The following TEX9 variants were observed in gnomAD, a reference collection of about 807,000 sequenced individuals.
TEX9 encodes testis-expressed protein 9.
Under a neutral mutation model 59.6 loss-of-function variants are expected in TEX9, and 74 were observed. That is an observed-to-expected ratio of 1.24 (90% CI 1.03 to 1.51). TEX9 has a LOEUF of 1.51. TEX9 is among the 40% of genes most tolerant of loss of function. The pLI, the probability that TEX9 is intolerant of heterozygous loss-of-function variation, is 0.00. For synonymous variants in TEX9, 186 were observed against 152.2 expected, an observed-to-expected ratio of 1.22 and a Z score of -1.64; for missense variants, 522 against 447.8, an observed-to-expected ratio of 1.17 and a Z score of -1.49.
chr15:56,363,274 T>C (rs1180714918), upstream of TEX9, among the ~76,000 whole-genome samples: 3 of 151,966 alleles, frequency 2.0e-5, no homozygotes, highest in Non-Finnish European at 4.4e-5. Flanking sequence ...CATCCTTTTT[T>C]TTTTTTTTGA....
At chr15:56,451,234 C>A in the TEX9 span, among the ~76,000 whole-genome samples, 1 of 152,166 alleles carries the variant, frequency 6.6e-6, no homozygotes, top group African/African-American at 2.4e-5. Flanking sequence ...TAGGTTAGAA[C>A]AGATATACCC....
chr15:56,244,188 CAAGTA>C (rs1444660873), exon 1 of TEX9: 3 of 152,212 alleles, frequency 2.0e-5, no homozygotes, highest in African/African-American at 4.8e-5. Context: ...ATCTTCAAAG[CAAGTA>C]AAGAGAAATC....
At chr15:56,429,097 G>GT in intron 12 of TEX9, 8 of 1,562,394 alleles carry the variant, frequency 5.1e-6, no homozygotes, top group Non-Finnish European at 6.1e-6. Flanking sequence ...CAATTTTGAT[G>GT]ATATCATTTC....
At position 56,266,727 on chromosome 15, in the gene TEX9, T is replaced by C. The variant is rs143854518; in HGVS notation, c.-107+22449T>C. On this transcript the variant is annotated intron_variant, in intron 1 of 5. Coordinates refer to the TEX9 transcript ENST00000560827. ...ATATTTTCTTAATCCTGCCTATCAT[T>C]GATGGACATTTGGGTTGGTTCCAAG... Among the ~76,000 whole-genome samples the C allele has an allele frequency of 3.6e-3, 553 of 152,332 alleles. 6 individuals are homozygous for C. Among genetic ancestry groups the C allele is most frequent in the African/African-American group, 0.012 (498 of 41,580 alleles).
intron 6 of TEX9, among the ~76,000 whole-genome samples, chr15:56,390,795 T>C (rs1479267090): frequency 1.3e-5 from 2 of 152,204 alleles, no homozygotes; most frequent in South Asian, 2.1e-4. Context: ...TGTAGAATTA[T>C]GGCCAGGATG....
chr15:56,434,053 C>T (rs1226565583), intron 12 of TEX9: 1 of 1,395,172 alleles, frequency 7.2e-7, no homozygotes, highest in African/African-American at 1.4e-5. Flanking sequence ...GCATATAAAG[C>T]TTCTCAGTAA....
At chr15:56,419,164 A>T (rs2049849520) in intron 10 of TEX9, among the ~76,000 whole-genome samples, 1 of 151,770 alleles carries the variant, frequency 6.6e-6, no homozygotes, top group Non-Finnish European at 1.5e-5. Context: ...TGATGTTATA[A>T]ATGTTCTTTA....
intron 1 of TEX9, among the ~76,000 whole-genome samples, chr15:56,338,344 C>A (rs1275112416): frequency 5.9e-5 from 9 of 152,138 alleles, no homozygotes; most frequent in African/African-American, 2.2e-4. Flanking sequence ...AGGGTAATTC[C>A]CCATCCTCAC....
intron 9 of TEX9, among the ~76,000 whole-genome samples, 155 bp from the exon 10 acceptor site, chr15:56,412,147 C>T (rs2049384010): frequency 6.6e-6 from 1 of 151,724 alleles, no homozygotes. Flanking sequence ...ACCTCTAACA[C>T]TTAGTGTTCA....
At chr15:56,422,290 T>C (rs2050017879) in intron 10 of TEX9, among the ~76,000 whole-genome samples, 1 of 151,734 alleles carries the variant, frequency 6.6e-6, no homozygotes, top group South Asian at 2.1e-4. Flanking sequence ...AAATCCAATC[T>C]GACAGTCTCT....
chr15:56,337,998 G>C (rs1343278284), intron 1 of TEX9, among the ~76,000 whole-genome samples: 1 of 152,150 alleles, frequency 6.6e-6, no homozygotes, highest in Non-Finnish European at 1.5e-5. Flanking sequence ...CCTTCCCATT[G>C]TGTAACAGTA....
chr15:56,386,470 G>A (rs1207941921), intron 4 of TEX9, among the ~76,000 whole-genome samples: 1 of 151,972 alleles, frequency 6.6e-6, no homozygotes, highest in African/African-American at 2.4e-5. Flanking sequence ...AACACTGTTA[G>A]TGCCAGTTCT....
intron 7 of TEX9, among the ~76,000 whole-genome samples, chr15:56,392,364 G>A (rs1233103143): frequency 6.6e-6 from 1 of 152,042 alleles, no homozygotes; most frequent in African/African-American, 2.4e-5. Context: ...CATCTCACAC[G>A]GTGGGATCAC....
chr15:56,400,379 G>T (rs2142440176), intron 9 of TEX9, among the ~76,000 whole-genome samples: 1 of 152,270 alleles, frequency 6.6e-6, no homozygotes, highest in African/African-American at 2.4e-5. Context: ...GAAAGAAAGG[G>T]TATTAGGGAT....
At chr15:56,326,467 T>C (rs1406697845) in intron 1 of TEX9, among the ~76,000 whole-genome samples, 1 of 152,140 alleles carries the variant, frequency 6.6e-6, no homozygotes, top group African/African-American at 2.4e-5. Flanking sequence ...TTTTTAAACA[T>C]CCACGTTTTA....
At chr15:56,286,170 A>G (rs1482293040) in intron 1 of TEX9, among the ~76,000 whole-genome samples, 5 of 152,174 alleles carry the variant, frequency 3.3e-5, no homozygotes, top group African/African-American at 1.2e-4. Context: ...TATGCAGATG[A>G]ACAAAAAGCA....
chr15:56,419,683 G>A (rs1178225033), intron 10 of TEX9, among the ~76,000 whole-genome samples: 1 of 151,802 alleles, frequency 6.6e-6, no homozygotes, highest in South Asian at 2.1e-4. Flanking sequence ...TGTTTAGTCT[G>A]TAGTCTTGAT....
At chr15:56,315,560 C>A (rs1285173070) in intron 1 of TEX9, among the ~76,000 whole-genome samples, 3 of 150,410 alleles carry the variant, frequency 2.0e-5, no homozygotes, top group Non-Finnish European at 3.0e-5. Context: ...GTAACCCGAC[C>A]TTTCTCTGTG....
At chr15:56,248,619 G>A (rs575047487) in intron 1 of TEX9, among the ~76,000 whole-genome samples, 118 of 152,254 alleles carry the variant, frequency 7.8e-4, no homozygotes, top group Non-Finnish European at 1.1e-3. Context: ...TGTTTATGTT[G>A]TAACTTTCAA....
Sources: gnomAD v4.1 joint callset for allele counts (sites outside exome capture counted in the v4.1 genomes callset) on GRCh38, gnomAD v4.1.1 for gene constraint, MANE v1.5 for transcripts, NCBI Gene and HGNC (gene_info 2026-07-23, HGNC 2026-07-21) for gene names.